CLEC2A: variants seen among roughly 807,000 people sequenced by gnomAD.
The protein encoded by CLEC2A is C-type lectin domain family 2 member A, also known as keratinocyte-associated C-type lectin.
In CLEC2A, 19 loss-of-function variants were observed where a neutral mutation model predicts 18.6. That is an observed-to-expected ratio of 1.02 (90% CI 0.71 to 1.50). The LOEUF (loss-of-function observed/expected upper bound fraction) is 1.50. Ranked by LOEUF, CLEC2A falls within the 40% of genes most tolerant of loss-of-function variation. CLEC2A has a pLI of 0.00. For synonymous variants in CLEC2A, 74 were observed against 64.0 expected (o/e 1.16, Z -0.75); for missense variants, 190 against 207.9 (o/e 0.91, Z 0.53).
chr12:9,918,767 TCTGA>T (rs1334400442), intron 3 of CLEC2A, among the ~76,000 whole-genome samples: 1 of 152,214 alleles, frequency 6.6e-6, no homozygotes, highest in Non-Finnish European at 1.5e-5. Flanking sequence ...CATATGACAC[TCTGA>T]CTATTTGAGT....
rs866509823 is a variant in CLEC2A, at chr12:9,930,727, C to T, written c.55+1548G>A. 1.9e-4 allele frequency among the ~76,000 whole-genome samples: 29 copies of T among 151,802 alleles called. No individual in the cohort carries two copies. In the East Asian group the frequency reaches 1.9e-3, roughly 10 times the overall value. ...ATTATTTCTTCAAATATTTCCTATCCGCTATTCTTTTTTTCTCTCTCTCTG... is the reference window on the plus strand; with the variant it reads ...ATTATTTCTTCAAATATTTCCTATCTGCTATTCTTTTTTTCTCTCTCTCTG... On this transcript the variant is annotated intron_variant, in intron 1 of 4. Coordinates refer to ENST00000455827, the MANE Select transcript of CLEC2A (RefSeq NM_001130711.2).
chr12:9,890,849 TG>T, the CLEC2A span, among the ~76,000 whole-genome samples: 72 of 152,340 alleles, frequency 4.7e-4, no homozygotes, highest in African/African-American at 1.6e-3. Context: ...GCTGGACCTA[TG>T]GGGTCATTTT....
In CLEC2A at chr12:9,932,300, T is replaced by C; in HGVS notation, c.30A>G (p.Arg10=). 1 of 1,551,948 alleles carries C rather than the reference T, an allele frequency of 6.4e-7. No individual in the cohort carries two copies. Among genetic ancestry groups the C allele is most frequent in the East Asian group, 2.4e-5 (1 of 40,910 alleles). MINPELRDG[R]ADGFIHRIVP... ...CTATCCGATGTATGAAGCCATCAGC[T>C]CTGCCATCCCGCAGCTCTGGATTAA... is the stretch of plus-strand genomic sequence containing the variant. Residue 10 remains arginine (R), a synonymous_variant, in exon 1 of 5, where the codon AGA becomes AGG. Transcript: ENST00000455827.
the CLEC2A span, chr12:9,893,178 C>A: frequency 6.6e-7 from 1 of 1,525,542 alleles, no homozygotes; most frequent in South Asian, 1.2e-5. Context: ...GGTGAGAAAT[C>A]AAAAACAGGA....
chr12:9,891,786 C>G, the CLEC2A span, among the ~76,000 whole-genome samples: 26 of 152,060 alleles, frequency 1.7e-4, no homozygotes, highest in African/African-American at 6.3e-4. Context: ...TCATAATAAC[C>G]TTCTTCAAAT....
At chr12:9,925,461 T>A (rs990061031) in intron 2 of CLEC2A, among the ~76,000 whole-genome samples, 1 of 152,204 alleles carries the variant, frequency 6.6e-6, no homozygotes, top group Non-Finnish European at 1.5e-5. Flanking sequence ...AATGTATTAT[T>A]TGTGAGAGGC....
the CLEC2A span, among the ~76,000 whole-genome samples, chr12:9,882,243 A>T: frequency 2.0e-5 from 3 of 149,192 alleles, no homozygotes; most frequent in East Asian, 6.7e-4. Context: ...TAGGCCAGAA[A>T]TTCAGAATTA....
the CLEC2A span, among the ~76,000 whole-genome samples, chr12:9,887,851 A>C: frequency 6.6e-6 from 1 of 151,682 alleles, no homozygotes; most frequent in African/African-American, 2.4e-5. Context: ...CAGGAGTTCC[A>C]GACCAGTTTG....
intron 2 of CLEC2A, among the ~76,000 whole-genome samples, chr12:9,924,817 G>C (rs533903400): frequency 1.3e-5 from 2 of 152,076 alleles, no homozygotes; most frequent in South Asian, 2.1e-4. Context: ...TGAGTTAAAC[G>C]CACTTTTAAA....
chr12:9,925,781 G>A (rs566903415), intron 2 of CLEC2A, among the ~76,000 whole-genome samples: 20 of 152,204 alleles, frequency 1.3e-4, no homozygotes, highest in African/African-American at 4.1e-4. Flanking sequence ...ACAGGAAACC[G>A]AAAGTCACCA....
intron 3 of CLEC2A, among the ~76,000 whole-genome samples, chr12:9,920,921 G>T (rs116934934): frequency 6.6e-6 from 1 of 152,136 alleles, no homozygotes; most frequent in East Asian, 1.9e-4. Context: ...AATTGAAAAG[G>T]GTTTAAAAAA....
At chr12:9,893,706 TC>T (rs11331164), downstream of CLEC2A, among the ~76,000 whole-genome samples, 71,720 of 151,668 alleles carry the variant, frequency 0.47, 18,463 homozygotes, top group Non-Finnish European at 0.59. Flanking sequence ...CCTTCCTCCC[TC>T]CCTTTTTTTT....
At chr12:9,918,107 T>C (rs577687671) in intron 3 of CLEC2A, among the ~76,000 whole-genome samples, 16 of 152,318 alleles carry the variant, frequency 1.1e-4, no homozygotes, top group African/African-American at 3.6e-4. Context: ...TTTAATTAGA[T>C]AATATTTGTC....
chr12:9,896,616 A>T (rs577832862), downstream of CLEC2A, among the ~76,000 whole-genome samples: 17 of 152,256 alleles, frequency 1.1e-4, no homozygotes, highest in Admixed American at 3.3e-4. Context: ...AAAAAACTAC[A>T]ATAACTTGTT....
the CLEC2A span, among the ~76,000 whole-genome samples, chr12:9,878,004 A>C: frequency 5.3e-5 from 8 of 152,186 alleles, no homozygotes; most frequent in South Asian, 1.7e-3. Context: ...ACAATGCAGC[A>C]GCCTATCAGA....
chr12:9,895,682 C>G (rs533080525), downstream of CLEC2A: 1 of 1,518,008 alleles, frequency 6.6e-7, no homozygotes, highest in South Asian at 1.2e-5. Context: ...TGTCCTTTGT[C>G]TCTTAGGTTT....
chr12:9,887,021 A>C, the CLEC2A span, among the ~76,000 whole-genome samples: 1 of 152,184 alleles, frequency 6.6e-6, no homozygotes, highest in Admixed American at 6.5e-5. Context: ...CAGAAAAAAA[A>C]CATAAATAAA....
At chr12:9,908,126 G>A (rs979391818) in intron 4 of CLEC2A, among the ~76,000 whole-genome samples, 1 of 152,178 alleles carries the variant, frequency 6.6e-6, no homozygotes, top group Non-Finnish European at 1.5e-5. Flanking sequence ...TGCCTTCTAG[G>A]GGAATGGGAT....
intron 3 of CLEC2A, 48 bp downstream of exon 3, chr12:9,922,018 T>G: frequency 7.1e-7 from 1 of 1,409,388 alleles, no homozygotes; most frequent in South Asian, 1.4e-5. Flanking sequence ...TATTATGTTT[T>G]TATACAAACA....
Sources: gnomAD v4.1 joint callset for allele counts (sites outside exome capture counted in the v4.1 genomes callset) on GRCh38, gnomAD v4.1.1 for gene constraint, MANE v1.5 for transcripts, NCBI Gene and HGNC (gene_info 2026-07-23, HGNC 2026-07-21) for gene names.